CNEP1R1: variants seen among roughly 807,000 people sequenced by gnomAD.
CNEP1R1 encodes CTD nuclear envelope phosphatase 1 regulatory subunit 1.
CNEP1R1 carries 10 observed loss-of-function variants against 22.7 expected under a neutral mutation model. The observed-to-expected ratio is 0.44, with a 90% CI of 0.27 to 0.75. The LOEUF (loss-of-function observed/expected upper bound fraction) is 0.75. Among genes scored for constraint, CNEP1R1 ranks in the 30% least tolerant of loss-of-function variants. The pLI is 0.17. For synonymous variants in CNEP1R1, 53 were observed against 50.1 expected (o/e 1.06, Z -0.25); for missense variants, 73 against 151.5 (o/e 0.48, Z 2.72).
intron 3 of CNEP1R1, among the ~76,000 whole-genome samples, chr16:50,032,977 C>G (rs1241666552): frequency 6.6e-6 from 1 of 151,272 alleles, no homozygotes; most frequent in East Asian, 1.9e-4. Context: ...TGCACTCCAG[C>G]CTGGGTGACA....
chr16:50,025,810 C>A, intron 1 of CNEP1R1: 1 of 919,428 alleles, frequency 1.1e-6, no homozygotes, highest in Non-Finnish European at 1.7e-6. Flanking sequence ...TAGAACTAGG[C>A]GCTGCCTGGG....
At position 50,033,429 on chromosome 16, in the gene CNEP1R1, AT is replaced by A; in HGVS notation, c.209del (p.Phe70SerfsTer8). 1 of 1,600,018 alleles carries A rather than the reference AT, an allele frequency of 6.2e-7. No homozygotes were observed. On this transcript the variant is annotated frameshift_variant, in exon 4 of 6. Transcript: ENST00000427478. LOFTEE classifies it high-confidence loss of function. ...SFFTSLWNHPFFTISCITLIG... is the reference protein window; with the variant it reads ...SFFTSLWNHPXFTISCITLIG... ...TCTTCACATCATTATGGAATCACCCATTTTTCACCATTAGCTGTATCACTCT... is the reference window on the plus strand; with the variant it reads ...TCTTCACATCATTATGGAATCACCCATTTTCACCATTAGCTGTATCACTCT...
At position 50,028,695 on chromosome 16, in the gene CNEP1R1, C is replaced by T. The variant is rs187230834; in HGVS notation, c.98-1030C>T. Among the ~76,000 whole-genome samples the T allele has an allele frequency of 1.9e-3, 296 of 152,232 alleles. 1 individual carries two copies. Among genetic ancestry groups the T allele is most frequent in the African/African-American group, 6.9e-3 (287 of 41,538 alleles). Reference sequence around the variant, plus strand: ...TGGTTAATGAACCAGTCAAATAAAGCATGTGTATGAGGTCCTTTCTAGTGT... The same window carrying T: ...TGGTTAATGAACCAGTCAAATAAAGTATGTGTATGAGGTCCTTTCTAGTGT... On this transcript the variant is annotated intron_variant, in intron 2 of 5. Coordinates refer to ENST00000427478, the MANE Select transcript of CNEP1R1 (RefSeq NM_001281789.2).
intron 3 of CNEP1R1, among the ~76,000 whole-genome samples, chr16:50,032,757 C>G (rs1413698389): frequency 6.6e-6 from 1 of 152,216 alleles, no homozygotes; most frequent in African/African-American, 2.4e-5. Flanking sequence ...GTAATCCCAG[C>G]ACTTTGGGAG....
intron 1 of CNEP1R1, chr16:50,025,719 G>T (rs1302466151): frequency 6.2e-7 from 1 of 1,611,598 alleles, no homozygotes; most frequent in Non-Finnish European, 8.5e-7. Context: ...AGTGCTGCTC[G>T]GTGTTTTAAA....
intron 3 of CNEP1R1, among the ~76,000 whole-genome samples, chr16:50,031,514 T>C (rs1271886157): frequency 6.6e-6 from 1 of 152,120 alleles, no homozygotes; most frequent in Non-Finnish European, 1.5e-5. Flanking sequence ...GGGAAATGAG[T>C]CTGACTTCTA....
In CNEP1R1 at chr16:50,036,693, T is replaced by C. The variant is rs1360074533; in HGVS notation, c.*1235T>C. 6.5e-6 allele frequency: 1 copy of C among 152,674 alleles called. No individual in the cohort carries two copies. Among genetic ancestry groups the C allele is most frequent in the African/African-American group, 2.4e-5 (1 of 41,466 alleles). 9.5% of individuals were successfully genotyped at this position (152,674 alleles called of 1,614,324 possible). ...GAGAGTGTTAATGACATACTGTGTA[T>C]GCATAATAGCCGCATGTACTATAAT... On this transcript the variant is annotated 3_prime_UTR_variant, in exon 6 of 6. Transcript: ENST00000427478.
chr16:50,029,003 T>A (rs940023766), intron 2 of CNEP1R1, among the ~76,000 whole-genome samples: 2 of 152,202 alleles, frequency 1.3e-5, no homozygotes, highest in African/African-American at 4.8e-5. Flanking sequence ...GAAAAATGTA[T>A]GCATCCTAGC....
At chr16:50,028,211 C>G (rs966627767) in intron 2 of CNEP1R1, among the ~76,000 whole-genome samples, 2 of 152,148 alleles carry the variant, frequency 1.3e-5, no homozygotes, top group Non-Finnish European at 2.9e-5. Flanking sequence ...TCCTCCCATC[C>G]TGGCTTCCCA....
intron 1 of CNEP1R1, chr16:50,026,022 G>A (rs1025443811): frequency 4.5e-6 from 2 of 449,434 alleles, no homozygotes; most frequent in Non-Finnish European, 7.9e-6. Flanking sequence ...GTTCTAATAG[G>A]AAGTTCTTGG....
chr16:50,035,017 T>A (rs921101017), intron 5 of CNEP1R1, among the ~76,000 whole-genome samples: 1 of 152,084 alleles, frequency 6.6e-6, no homozygotes, highest in African/African-American at 2.4e-5. Context: ...GCCTTCAATT[T>A]AAAAAGTCAT....
Position 50,025,315 on chromosome 16 carries a change from C to A in CNEP1R1, c.-1C>A. ...GGCGGTGACCCGAGCTGCCGCCCGA[C>A]ATGAACTCGCTGGAGCAGGCGGAAG... On this transcript the variant is annotated 5_prime_UTR_variant, in exon 1 of 6. Transcript: ENST00000427478. 7.0e-7 allele frequency: 1 copy of A among 1,432,796 alleles called. No homozygotes were observed. The highest frequency in any genetic ancestry group is 9.1e-7 in the Non-Finnish European group (1 of 1,097,284). The allele number at this position is 1,432,796 out of a possible 1,614,324, so 88.8% of individuals were successfully genotyped here. A position where few individuals can be genotyped will look rare whatever the true frequency, so the allele number is the denominator to read the frequency against.
At chr16:50,025,690 G>A in intron 1 of CNEP1R1, 3 of 1,613,884 alleles carry the variant, frequency 1.9e-6, no homozygotes, top group Non-Finnish European at 2.5e-6. Flanking sequence ...GTGGTTTCCG[G>A]TAACTGCCAA....
At chr16:50,025,582 C>T (rs2036173960) in intron 1 of CNEP1R1, 6 of 1,456,416 alleles carry the variant, frequency 4.1e-6, no homozygotes, top group Middle Eastern at 3.6e-4. Context: ...TTTTTATTTT[C>T]TTTTCACTGG....
chr16:50,033,429 A>G lies in CNEP1R1; in HGVS notation c.204A>G (p.Pro68=), dbSNP rs751212081. The change falls in exon 4 of 6, where the codon CCA becomes CCG. Residue 68 remains proline, a synonymous_variant. Coordinates refer to ENST00000427478, the MANE Select transcript of CNEP1R1 (RefSeq NM_001281789.2). ...TCTTCACATCATTATGGAATCACCC[A>G]TTTTTCACCATTAGCTGTATCACTC... ...VSFFTSLWNH[P]FFTISCITLI... The G allele has an allele frequency of 6.9e-6, 11 of 1,599,946 alleles. No homozygotes were observed. Among genetic ancestry groups the G allele is most frequent in the African/African-American group, 6.7e-5 (5 of 74,536 alleles).
At chr16:50,025,433 A>G in intron 1 of CNEP1R1, 93 bp downstream of exon 1, 1 of 1,302,968 alleles carries the variant, frequency 7.7e-7, no homozygotes, top group Non-Finnish European at 1.0e-6. Context: ...CCGCCCCGGG[A>G]GGAGGCCGCA....
rs144662240 is a variant in CNEP1R1, at chr16:50,034,419, A to G, written c.336+263A>G. 1.0e-4 allele frequency: 45 copies of G among 449,596 alleles called. 1 individual carries two copies. The highest frequency in any genetic ancestry group is 7.0e-4 in the South Asian group (31 of 44,262). 27.9% of individuals were successfully genotyped at this position (449,596 alleles called of 1,614,324 possible). Reference sequence around the variant, plus strand: ...GACATAAAATCATGATGCATCTTATAACTGATGCATCTTAGATTCAGTGAA... The same window carrying G: ...GACATAAAATCATGATGCATCTTATGACTGATGCATCTTAGATTCAGTGAA... On this transcript the variant is annotated intron_variant, in intron 5 of 5. Transcript: ENST00000427478.
chr16:50,029,839 G>A (rs2036216816), intron 3 of CNEP1R1, 41 bp downstream of exon 3: 2 of 1,150,202 alleles, frequency 1.7e-6, no homozygotes, highest in East Asian at 2.4e-5. Flanking sequence ...AATTAAATGA[G>A]ATAATGGATA....
chr16:50,036,103 A>T lies in CNEP1R1; in HGVS notation c.*645A>T, dbSNP rs1489325138. 6.6e-6 allele frequency: 1 copy of T among 150,382 alleles called. No individual in the cohort carries two copies. The highest frequency in any genetic ancestry group is 1.9e-4 in the East Asian group (1 of 5,142). The allele number at this position is 150,382 out of a possible 1,614,324, so 9.3% of individuals were successfully genotyped here. On this transcript the variant is annotated 3_prime_UTR_variant, in exon 6 of 6. Coordinates refer to ENST00000427478, the MANE Select transcript of CNEP1R1 (RefSeq NM_001281789.2). ...ATTTTTAGTTCATTGTTCTCATTTA[A>T]TGCTAAATATCCTTTATATTGCTTT...
Sources: gnomAD v4.1 joint callset for allele counts (sites outside exome capture counted in the v4.1 genomes callset) on GRCh38, gnomAD v4.1.1 for gene constraint, MANE v1.5 for transcripts, NCBI Gene and HGNC (gene_info 2026-07-23, HGNC 2026-07-21) for gene names.